ATP6V1G3: variants seen among roughly 807,000 people sequenced by gnomAD.
ATP6V1G3 encodes V-type proton ATPase subunit G 3.
Under a neutral mutation model 9.3 loss-of-function variants are expected in ATP6V1G3, and 9 were observed. That is an observed-to-expected ratio of 0.97 (90% confidence interval 0.59 to 1.69). The LOEUF is 1.69. ATP6V1G3 is among the 40% of genes most tolerant of loss of function. ATP6V1G3 has a pLI of 0.00. For missense variants in ATP6V1G3, 133 were observed against 139.0 expected, an observed-to-expected ratio of 0.96 and a Z score of 0.22; for synonymous variants, 43 against 43.8, an observed-to-expected ratio of 0.98 and a Z score of 0.07.
chr1:198,530,516 TGGGAA>T (rs1659855649), intron 1 of ATP6V1G3, among the ~76,000 whole-genome samples: 1 of 152,190 alleles, frequency 6.6e-6, no homozygotes, highest in Non-Finnish European at 1.5e-5. Flanking sequence ...TGAATGGAAC[TGGGAA>T]GTCCTCATTC....
chr1:198,530,102 A>C (rs1659837881), intron 1 of ATP6V1G3, among the ~76,000 whole-genome samples: 1 of 152,158 alleles, frequency 6.6e-6, no homozygotes, highest in African/African-American at 2.4e-5. Flanking sequence ...AACTTTAAAG[A>C]AATTCTGAAC....
At chr1:198,534,352 C>A (rs1220467827) in intron 1 of ATP6V1G3, among the ~76,000 whole-genome samples, 1 of 152,100 alleles carries the variant, frequency 6.6e-6, no homozygotes, top group Non-Finnish European at 1.5e-5. Flanking sequence ...GATGCAGCTG[C>A]GAGACAAGGA....
intron 1 of ATP6V1G3, among the ~76,000 whole-genome samples, chr1:198,539,404 T>C (rs1279040829): frequency 2.0e-5 from 3 of 152,190 alleles, no homozygotes; most frequent in Non-Finnish European, 2.9e-5. Flanking sequence ...CTGAATCTAA[T>C]TGCAGAGGCA....
chr1:198,528,904 G>T (rs78908094), intron 2 of ATP6V1G3, among the ~76,000 whole-genome samples, 177 bp downstream of exon 2: 2 of 151,292 alleles, frequency 1.3e-5, no homozygotes, highest in African/African-American at 4.8e-5. Context: ...TGCCTTGAAA[G>T]TGAAAATGTA....
intron 1 of ATP6V1G3, among the ~76,000 whole-genome samples, chr1:198,531,553 G>A (rs1407685603): frequency 2.6e-5 from 4 of 152,152 alleles, no homozygotes; most frequent in Non-Finnish European, 5.9e-5. Flanking sequence ...GAGACAAAGG[G>A]TAATGCTTGA....
At position 198,530,791 on chromosome 1, in the gene ATP6V1G3, A is replaced by G. The variant is rs182319294; in HGVS notation, c.83-1610T>C. ...CGATGATATGTTGGTAGGAAAAACT[A>G]TTCCTTGATCTCCAACCCACTTTCT... On this transcript the variant is annotated intron_variant, in intron 1 of 2. Transcript: ENST00000367382. Among the ~76,000 whole-genome samples the G allele has an allele frequency of 2.6e-5, 4 of 152,200 alleles. No individual in the cohort carries two copies. The East Asian group carries it at 7.7e-4, about 29-fold the overall frequency.
chr1:198,523,324 T>C lies in ATP6V1G3; in HGVS notation c.*67A>G, dbSNP rs1055160. The C allele has an allele frequency of 0.074, 108,458 of 1,457,666 alleles. 4,817 individuals carry two copies. The highest frequency in any genetic ancestry group is 0.19 in the African/African-American group (13,471 of 70,038). 90.3% of individuals were successfully genotyped at this position (1,457,666 alleles called of 1,614,324 possible). A position where few individuals can be genotyped will look rare whatever the true frequency, so the allele number is the denominator to read the frequency against. ...CATTTCAAATTTCTCAACATAAAAA[T>C]ACGAAGCCATAAGCAACCAGGTGGC... On this transcript the variant is annotated 3_prime_UTR_variant, in exon 3 of 3. Transcript: ENST00000367382.
intron 2 of ATP6V1G3, among the ~76,000 whole-genome samples, chr1:198,527,336 C>T (rs750817702): frequency 5.5e-4 from 83 of 151,860 alleles, no homozygotes; most frequent in Non-Finnish European, 9.4e-4. Context: ...TGGCTTGGAG[C>T]GCTAATTATG....
At chr1:198,523,900 T>C (rs1659550775) in intron 2 of ATP6V1G3, among the ~76,000 whole-genome samples, 1 of 152,174 alleles carries the variant, frequency 6.6e-6, no homozygotes, top group African/African-American at 2.4e-5. Context: ...AGTTCCCATA[T>C]ATTCCCTATT....
chr1:198,524,671 T>C (rs1357593031), intron 2 of ATP6V1G3, among the ~76,000 whole-genome samples: 1 of 152,216 alleles, frequency 6.6e-6, no homozygotes, highest in Non-Finnish European at 1.5e-5. Context: ...GTTAACAATT[T>C]AAAGGAATTC....
Position 198,540,676 on chromosome 1 carries a change from T to A in ATP6V1G3, c.-26A>T. 6.3e-7 allele frequency: 1 copy of A among 1,595,336 alleles called. No homozygotes were observed. The highest frequency in any genetic ancestry group is 8.6e-7 in the Non-Finnish European group (1 of 1,162,954). ...GGTAGTCTGCTCCAAGCAAGTGGCT[T>A]CTGTGAAATCTGGGAAGTAATGGGT... On this transcript the variant is annotated 5_prime_UTR_variant, in exon 1 of 3. Coordinates refer to ENST00000367382, the MANE Select transcript of ATP6V1G3 (RefSeq NM_001376861.1).
intron 2 of ATP6V1G3, among the ~76,000 whole-genome samples, chr1:198,524,293 T>G (rs966554447): frequency 2.0e-5 from 3 of 152,002 alleles, no homozygotes; most frequent in Non-Finnish European, 4.4e-5. Flanking sequence ...CCCTGCTAAT[T>G]TTTGTATTTT....
At chr1:198,524,534 C>G (rs889046246) in intron 2 of ATP6V1G3, among the ~76,000 whole-genome samples, 6 of 152,274 alleles carry the variant, frequency 3.9e-5, no homozygotes, top group African/African-American at 1.4e-4. Flanking sequence ...ATTGTAGACA[C>G]AGTTTAATAT....
In ATP6V1G3 at chr1:198,523,360, C is replaced by CTT; in HGVS notation, c.*29_*30dup. ...AAGCAACCAGGTGGCACTCACACAC[C>CTT]TTTTTTTTTCTTGAAAACTGTGATG... On this transcript the variant is annotated 3_prime_UTR_variant, in exon 3 of 3. Coordinates refer to ENST00000367382, the MANE Select transcript of ATP6V1G3 (RefSeq NM_001376861.1). The CTT allele has an allele frequency of 1.3e-6, 2 of 1,554,010 alleles. No homozygotes were observed. Among genetic ancestry groups the CTT allele is most frequent in the Admixed American group, 1.8e-5 (1 of 55,132 alleles).
chr1:198,527,042 A>G (rs1487911234), intron 2 of ATP6V1G3, among the ~76,000 whole-genome samples: 1 of 152,184 alleles, frequency 6.6e-6, no homozygotes, highest in African/African-American at 2.4e-5. Context: ...AGGGGACTTG[A>G]AAAATCACAT....
chr1:198,535,451 G>A (rs895379607), intron 1 of ATP6V1G3, among the ~76,000 whole-genome samples: 1 of 151,206 alleles, frequency 6.6e-6, no homozygotes, highest in East Asian at 1.9e-4. Context: ...TTGATGGTTG[G>A]CATCCTATAG....
intron 2 of ATP6V1G3, among the ~76,000 whole-genome samples, chr1:198,524,671 T>A (rs1357593031): frequency 6.6e-6 from 1 of 152,216 alleles, no homozygotes; most frequent in African/African-American, 2.4e-5. Context: ...GTTAACAATT[T>A]AAAGGAATTC....
chr1:198,533,457 C>A (rs1659987295), intron 1 of ATP6V1G3, among the ~76,000 whole-genome samples: 1 of 151,930 alleles, frequency 6.6e-6, no homozygotes, highest in Admixed American at 6.6e-5. Flanking sequence ...GTGGAGTTAG[C>A]AAGAAGAGGG....
intron 1 of ATP6V1G3, among the ~76,000 whole-genome samples, chr1:198,537,557 T>C (rs1660167916): frequency 1.3e-5 from 2 of 152,216 alleles, no homozygotes; most frequent in Admixed American, 6.5e-5. Flanking sequence ...GTGTTCACTA[T>C]TGTGACTTCT....
Sources: gnomAD v4.1 joint callset for allele counts (sites outside exome capture counted in the v4.1 genomes callset) on GRCh38, gnomAD v4.1.1 for gene constraint, MANE v1.5 for transcripts, NCBI Gene and HGNC (gene_info 2026-07-23, HGNC 2026-07-21) for gene names.